The following CALN1 variants were observed in gnomAD, a reference collection of about 807,000 sequenced individuals.
The protein encoded by CALN1 is calneuron 1, also known as calcium-binding protein 8.
In CALN1, 17 loss-of-function variants were observed where a neutral mutation model predicts 30.6. That is an observed-to-expected ratio of 0.56 (90% CI 0.38 to 0.83). The LOEUF (loss-of-function observed/expected upper bound fraction) is 0.83. Ranked by LOEUF, CALN1 falls within the 40% of genes least tolerant of loss-of-function variation. The pLI, the probability that CALN1 is intolerant of heterozygous loss-of-function variation, is 0.00. For synonymous variants in CALN1, 156 were observed against 131.4 expected (o/e 1.19, Z -1.28); for missense variants, 291 against 354.9 (o/e 0.82, Z 1.45).
chr7:72,022,151 G>GC (rs1401580792), intron 5 of CALN1, among the ~76,000 whole-genome samples: 1 of 152,142 alleles, frequency 6.6e-6, no homozygotes, highest in East Asian at 1.9e-4. Context: ...AAGGTTCAAA[G>GC]CAAGTGTCAC....
intron 4 of CALN1, among the ~76,000 whole-genome samples, chr7:72,048,914 A>G (rs1802659804): frequency 6.6e-6 from 1 of 151,900 alleles, no homozygotes; most frequent in African/African-American, 2.4e-5. Flanking sequence ...CGGCCCAAGC[A>G]ATCCTCCCAC....
chr7:72,419,786 G>A (rs558012570), intron 1 of CALN1, among the ~76,000 whole-genome samples: 19 of 152,290 alleles, frequency 1.2e-4, no homozygotes, highest in Admixed American at 3.3e-4. Context: ...AAAACTGAGC[G>A]TTGGAGACTA....
chr7:71,985,352 C>T (rs1389673624), intron 5 of CALN1, among the ~76,000 whole-genome samples: 2 of 152,094 alleles, frequency 1.3e-5, no homozygotes, highest in Admixed American at 6.6e-5. Flanking sequence ...CTTTAGAAAG[C>T]AACGCAGCAG....
intron 2 of CALN1, among the ~76,000 whole-genome samples, chr7:72,344,440 C>T (rs1397244126): frequency 6.6e-6 from 1 of 151,484 alleles, no homozygotes; most frequent in Non-Finnish European, 1.5e-5. Context: ...ATGTATGGTG[C>T]CACTTTTGAA....
chr7:71,983,057 TCCAA>T (rs1278112592), intron 5 of CALN1, among the ~76,000 whole-genome samples: 4 of 152,146 alleles, frequency 2.6e-5, no homozygotes, highest in Non-Finnish European at 5.9e-5. Context: ...TCACACCTGG[TCCAA>T]CCAATCTGTG....
intron 2 of CALN1, among the ~76,000 whole-genome samples, chr7:72,351,672 C>T (rs12666455): frequency 0.074 from 11,255 of 151,728 alleles, 928 homozygotes; most frequent in East Asian, 0.36. Context: ...TTGTTAAACC[C>T]CAGAACACAA....
At position 72,023,777 on chromosome 7, in the gene CALN1, G is replaced by T. The variant is rs567453412; in HGVS notation, c.389-8C>A. The T allele has an allele frequency of 3.1e-6, 5 of 1,609,798 alleles. No homozygotes were observed. The highest frequency in any genetic ancestry group is 4.2e-6 in the Non-Finnish European group (5 of 1,176,508). ...AATCCACCTGGCCATCCCCTGCAAGGAGAAGATGTAAATATGAGTTGCAAA... is the reference window on the plus strand; with the variant it reads ...AATCCACCTGGCCATCCCCTGCAAGTAGAAGATGTAAATATGAGTTGCAAA... On this transcript the variant is annotated splice_region_variant and splice_polypyrimidine_tract_variant and intron_variant, in intron 4 of 6. Transcript: ENST00000395275.
chr7:72,385,208 T>C (rs1192513489), intron 2 of CALN1, among the ~76,000 whole-genome samples: 2 of 152,168 alleles, frequency 1.3e-5, no homozygotes, highest in Non-Finnish European at 2.9e-5. Context: ...GAATATAAAA[T>C]GGTATAGTCA....
intron 2 of CALN1, among the ~76,000 whole-genome samples, chr7:72,309,792 C>A (rs186052976): frequency 6.6e-6 from 1 of 152,328 alleles, no homozygotes; most frequent in African/African-American, 2.4e-5. Flanking sequence ...CTCATTTAGT[C>A]ATCTCTCTAC....
the CALN1 span, among the ~76,000 whole-genome samples, chr7:72,501,928 A>AAATATATATATAT: frequency 1.7e-5 from 1 of 57,968 alleles, no homozygotes; most frequent in African/African-American, 9.9e-5. Flanking sequence ...AAAAAAAAAA[A>AAATATATATATAT]ATATATATAT....
intron 5 of CALN1, among the ~76,000 whole-genome samples, chr7:72,016,417 G>A (rs1477871613): frequency 6.6e-6 from 1 of 151,666 alleles, no homozygotes; most frequent in Non-Finnish European, 1.5e-5. Context: ...CATGGGTCAA[G>A]AATTTTATTT....
intron 2 of CALN1, among the ~76,000 whole-genome samples, chr7:72,325,269 G>C (rs1801190365): frequency 6.6e-6 from 1 of 152,164 alleles, no homozygotes; most frequent in African/African-American, 2.4e-5. Flanking sequence ...CTGCACTCTA[G>C]TCTGGGTGAT....
At chr7:72,092,133 T>C (rs1369478112) in intron 4 of CALN1, among the ~76,000 whole-genome samples, 2 of 152,362 alleles carry the variant, frequency 1.3e-5, no homozygotes, top group East Asian at 3.9e-4. Context: ...TTAAATATGC[T>C]ATCTTTGTGA....
chr7:71,913,973 G>C (rs1233747737), intron 5 of CALN1: 1 of 152,242 alleles, frequency 6.6e-6, no homozygotes, highest in Admixed American at 6.5e-5. Context: ...TGACTGAGGT[G>C]AAATAGCCAG....
In CALN1 at chr7:72,444,962, A is replaced by G. The variant is rs370899270; in HGVS notation, c.-226+2080T>C. On this transcript the variant is annotated intron_variant, in intron 1 of 6. Coordinates refer to the CALN1 transcript ENST00000395276. ...CACCACGGCCATTAAAGAAATGTCA[A>G]CGGAACACAGAACTACACAAAGTTG... is the stretch of plus-strand genomic sequence containing the variant. Among the ~76,000 whole-genome samples the G allele has an allele frequency of 2.6e-5, 4 of 151,962 alleles. No individual in the cohort carries two copies. The South Asian group carries it at 8.3e-4, about 32-fold the overall frequency.
chr7:71,936,394 A>G (rs1795832860), intron 5 of CALN1, among the ~76,000 whole-genome samples: 2 of 136,028 alleles, frequency 1.5e-5, no homozygotes, highest in East Asian at 2.1e-4. Context: ...AGCGAGACTC[A>G]GTCTCAAAAA....
Position 71,978,274 on chromosome 7 carries a change from T to C in CALN1, c.501+45383A>G, listed in dbSNP as rs1024790965. Among the ~76,000 whole-genome samples the C allele has an allele frequency of 8.7e-5, 12 of 137,152 alleles. 3 individuals are homozygous for C. The highest frequency in any genetic ancestry group is 8.7e-4 in the Admixed American group (12 of 13,858). 90.0% of individuals were successfully genotyped at this position (137,152 alleles called of 152,430 possible). On this transcript the variant is annotated intron_variant, in intron 5 of 6. Coordinates refer to ENST00000395275, the MANE Select transcript of CALN1 (RefSeq NM_031468.4). ...ACTCTAGAGAATTCTTTTTTTTTTT[T>C]TTTTTTTTTTTTTTTGAGGGGGAGT... is the stretch of plus-strand genomic sequence containing the variant.
intron 3 of CALN1, among the ~76,000 whole-genome samples, chr7:72,215,913 T>TC (rs1264962483): frequency 6.6e-6 from 1 of 152,122 alleles, no homozygotes; most frequent in Non-Finnish European, 1.5e-5. Flanking sequence ...TAATGGGCAA[T>TC]CTTTGCTGCA....
In CALN1 at chr7:72,245,145, T is replaced by A. The variant is rs28582423; in HGVS notation, c.244+33541A>T. Among the ~76,000 whole-genome samples the A allele has an allele frequency of 9.2e-4, 140 of 152,290 alleles. 1 individual carries two copies. The highest frequency in any genetic ancestry group is 3.3e-3 in the African/African-American group (137 of 41,560). On this transcript the variant is annotated intron_variant, in intron 3 of 6. Coordinates refer to ENST00000395275, the MANE Select transcript of CALN1 (RefSeq NM_031468.4). ...AGAACAATCCCCGCTGGAGGTGCTA[T>A]GTAGGGTTTTCCCTCCTCCCTCTGA...
Sources: gnomAD v4.1 joint callset for allele counts (sites outside exome capture counted in the v4.1 genomes callset) on GRCh38, gnomAD v4.1.1 for gene constraint, MANE v1.5 for transcripts, NCBI Gene and HGNC (gene_info 2026-07-23, HGNC 2026-07-21) for gene names.